Variants in IMPG1 observed in about 807,000 individuals in gnomAD.
The protein encoded by IMPG1 is interphotoreceptor matrix proteoglycan of 150 kDa.
In IMPG1, 85 loss-of-function variants were observed where a neutral mutation model predicts 92.0. That is an observed-to-expected ratio of 0.92 (90% confidence interval 0.78 to 1.11). The LOEUF (loss-of-function observed/expected upper bound fraction) is 1.11. IMPG1 is among the 50% of genes least tolerant of loss of function. IMPG1 has a pLI of 0.00. For synonymous variants in IMPG1, 367 were observed against 334.1 expected (o/e 1.10, Z -1.08); for missense variants, 1,022 against 956.0 (o/e 1.07, Z -0.91).
intron 12 of IMPG1, among the ~76,000 whole-genome samples, chr6:75,987,566 T>C (rs936409313): frequency 2.6e-5 from 4 of 150,982 alleles, no homozygotes; most frequent in African/African-American, 9.7e-5. Flanking sequence ...CGGTGTTTGG[T>C]TTTCTGTCCT....
chr6:76,056,710 A>G (rs2127597005), intron 1 of IMPG1, among the ~76,000 whole-genome samples: 1 of 152,288 alleles, frequency 6.6e-6, no homozygotes, highest in Admixed American at 6.5e-5. Context: ...TGTCTTTGAT[A>G]ATTGCCATCC....
intron 4 of IMPG1, among the ~76,000 whole-genome samples, chr6:76,033,960 A>G (rs1562377907): frequency 6.6e-6 from 1 of 152,198 alleles, no homozygotes; most frequent in African/African-American, 2.4e-5. Flanking sequence ...GATTGTATTA[A>G]ATATTTTCTT....
chr6:75,956,302 A>G (rs1205174240), intron 12 of IMPG1, among the ~76,000 whole-genome samples: 2 of 152,208 alleles, frequency 1.3e-5, no homozygotes, highest in East Asian at 1.9e-4. Flanking sequence ...CAAGGATTCA[A>G]CTTCTTCCTG....
intron 11 of IMPG1, among the ~76,000 whole-genome samples, 166 bp from the exon 12 acceptor site, chr6:76,003,162 A>AAGG (rs1358381088): frequency 6.6e-6 from 1 of 152,242 alleles, no homozygotes; most frequent in Non-Finnish European, 1.5e-5. Context: ...TATGTTCTAA[A>AAGG]AGGATAACAT....
At chr6:76,005,825 T>A (rs117784469) in intron 9 of IMPG1, among the ~76,000 whole-genome samples, 6,545 of 151,200 alleles carry the variant, frequency 0.043, 182 homozygotes, top group Non-Finnish European at 0.062. Flanking sequence ...TTAGGTTTTT[T>A]TTTTTCTTTC....
At chr6:76,069,210 A>C (rs974441739) in intron 1 of IMPG1, among the ~76,000 whole-genome samples, 1 of 152,144 alleles carries the variant, frequency 6.6e-6, no homozygotes. Flanking sequence ...CTCACTGTAT[A>C]TAAAAATTAG....
intron 12 of IMPG1, among the ~76,000 whole-genome samples, chr6:75,977,598 A>AC (rs1782560428): frequency 6.6e-6 from 1 of 151,890 alleles, no homozygotes; most frequent in African/African-American, 2.4e-5. Context: ...AAAAAAAAAA[A>AC]AAACAAAAAA....
rs1781498751 is a variant in IMPG1 at position 75,924,584 on chromosome 6, AAT to A, written c.2244-880_2244-879del. Among the ~76,000 whole-genome samples the A allele has an allele frequency of 1.2e-4, 3 of 25,422 alleles. 1 individual carries two copies. The highest frequency in any genetic ancestry group is 2.3e-4 in the African/African-American group (2 of 8,574). 16.7% of individuals were successfully genotyped at this position (25,422 alleles called of 152,430 possible). On this transcript the variant is annotated intron_variant, in intron 15 of 16. Coordinates refer to ENST00000369950, the MANE Select transcript of IMPG1 (RefSeq NM_001563.4). Reference sequence around the variant, plus strand: ...ATTATATATTATATATAATTAATATAATTATATATTATATATAATTAATTATA... The same window carrying A: ...ATTATATATTATATATAATTAATATATATATATTATATATAATTAATTATA...
At chr6:75,998,350 C>A (rs897721031) in intron 12 of IMPG1, among the ~76,000 whole-genome samples, 2 of 152,176 alleles carry the variant, frequency 1.3e-5, no homozygotes, top group Non-Finnish European at 2.9e-5. Flanking sequence ...AGACGGCTGT[C>A]CCTGACCACA....
chr6:75,928,309 C>G (rs1479624907), intron 15 of IMPG1, among the ~76,000 whole-genome samples: 1 of 151,988 alleles, frequency 6.6e-6, no homozygotes, highest in Non-Finnish European at 1.5e-5. Flanking sequence ...AAGTGATTCT[C>G]CTGCCTCAGC....
chr6:76,014,666 C>A (rs1253450917), intron 7 of IMPG1, among the ~76,000 whole-genome samples: 2 of 152,176 alleles, frequency 1.3e-5, no homozygotes, highest in Admixed American at 6.5e-5. Flanking sequence ...ATCCATTTTT[C>A]TTCTCCAGGA....
At chr6:76,043,715 G>A (rs1783885677) in intron 1 of IMPG1, among the ~76,000 whole-genome samples, 1 of 152,184 alleles carries the variant, frequency 6.6e-6, no homozygotes, top group East Asian at 1.9e-4. Context: ...ATCAAGATGG[G>A]TGCATCTCAA....
chr6:75,950,482 A>AC, intron 13 of IMPG1, 80 bp downstream of exon 13: 2 of 1,271,954 alleles, frequency 1.6e-6, no homozygotes, highest in Non-Finnish European at 2.1e-6. Context: ...ATTGCTCAAG[A>AC]CAGCCAATAA....
chr6:75,951,197 C>T, intron 12 of IMPG1, 103 bp from the exon 13 acceptor site: 2 of 816,568 alleles, frequency 2.4e-6, no homozygotes, highest in Non-Finnish European at 3.9e-6. Flanking sequence ...AAATACATAG[C>T]ATTTGCGTAG....
rs529292405 is a variant in IMPG1 at position 76,048,971 on chromosome 6, G to A, written c.68-6845C>T. Among the ~76,000 whole-genome samples, 6 of 152,272 alleles carry A rather than the reference G, an allele frequency of 3.9e-5. No individual in the cohort carries two copies. In the East Asian group the frequency reaches 1.2e-3, roughly 29 times the overall value. ...CCTAAATGCCCATCAGTGATAGACT[G>A]GATAAAGAAAATGTGGTACTTATAT... On this transcript the variant is annotated intron_variant, in intron 1 of 16. Coordinates refer to ENST00000369950, the MANE Select transcript of IMPG1 (RefSeq NM_001563.4).
At position 75,961,575 on chromosome 6, in the gene IMPG1, G is replaced by A. The variant is rs191292304; in HGVS notation, c.1292-10481C>T. On this transcript the variant is annotated intron_variant, in intron 12 of 16. Coordinates refer to ENST00000369950, the MANE Select transcript of IMPG1 (RefSeq NM_001563.4). Reference sequence around the variant, plus strand: ...CAATACAAGGAAAAATACATGGTACGCCAGGTGGTGATAAGTGCTATGGAA... The same window carrying A: ...CAATACAAGGAAAAATACATGGTACACCAGGTGGTGATAAGTGCTATGGAA... Among the ~76,000 whole-genome samples, 13 of 152,256 alleles carry A rather than the reference G, an allele frequency of 8.5e-5. No individual in the cohort carries two copies. The South Asian group carries it at 1.9e-3, about 22-fold the overall frequency.
chr6:76,044,622 T>G (rs1248575930), intron 1 of IMPG1, among the ~76,000 whole-genome samples: 1 of 152,192 alleles, frequency 6.6e-6, no homozygotes, highest in Non-Finnish European at 1.5e-5. Context: ...CTGGGAACAA[T>G]GTTGCTGTCC....
intron 15 of IMPG1, among the ~76,000 whole-genome samples, chr6:75,929,716 AAAAG>A (rs1242036109): frequency 1.3e-5 from 2 of 151,788 alleles, no homozygotes; most frequent in Non-Finnish European, 2.9e-5. Context: ...AAAATTAAAA[AAAAG>A]AAAAACGGGA....
At chr6:76,060,848 A>C (rs904175482) in intron 1 of IMPG1, among the ~76,000 whole-genome samples, 1 of 152,142 alleles carries the variant, frequency 6.6e-6, no homozygotes, top group Non-Finnish European at 1.5e-5. Flanking sequence ...TATAGTGAGG[A>C]GGTCAGGACT....
Sources: allele counts gnomAD v4.1 joint callset (sites outside exome capture counted in the v4.1 genomes callset), GRCh38; gene constraint gnomAD v4.1.1; transcripts MANE v1.5; gene names NCBI Gene and HGNC (gene_info 2026-07-23, HGNC 2026-07-21).